Variants in TMEM50B observed in about 807,000 individuals in gnomAD.
TMEM50B encodes the protein HCV p7-trans-regulated protein 3.
TMEM50B carries 14 observed loss-of-function variants against 23.4 expected under a neutral mutation model. The observed-to-expected ratio is 0.60, with a 90% CI of 0.39 to 0.93. TMEM50B has a LOEUF of 0.93. Among genes scored for constraint, TMEM50B ranks in the 40% least tolerant of loss-of-function variants. TMEM50B has a pLI of 0.00. For synonymous variants in TMEM50B, 64 were observed against 62.3 expected, an observed-to-expected ratio of 1.03 and a Z score of -0.13; for missense variants, 159 against 193.0, an observed-to-expected ratio of 0.82 and a Z score of 1.04.
At chr21:33,456,313 C>T (rs1480779084) in intron 5 of TMEM50B, among the ~76,000 whole-genome samples, 1 of 152,148 alleles carries the variant, frequency 6.6e-6, no homozygotes, top group African/African-American at 2.4e-5. Flanking sequence ...ATCCTCCTGC[C>T]TCAGCGTCCC....
intron 1 of TMEM50B, among the ~76,000 whole-genome samples, chr21:33,473,310 G>A (rs1001160261): frequency 6.6e-6 from 1 of 151,806 alleles, no homozygotes; most frequent in Admixed American, 6.6e-5. Flanking sequence ...AAAATTATCT[G>A]GGCATGGTGG....
intron 8 of TMEM50B, chr21:33,436,907 T>A: frequency 6.2e-7 from 1 of 1,613,940 alleles, no homozygotes; most frequent in East Asian, 2.2e-5. Context: ...TGGGACTCTG[T>A]GTCCATTATC....
intron 4 of TMEM50B, 96 bp downstream of exon 4, chr21:33,465,245 AT>A: frequency 1.3e-6 from 1 of 782,472 alleles, no homozygotes. Flanking sequence ...CTATATAATC[AT>A]TACCAGTCTT....
intron 4 of TMEM50B, among the ~76,000 whole-genome samples, chr21:33,462,143 G>A (rs987740399): frequency 2.0e-5 from 3 of 151,958 alleles, no homozygotes; most frequent in African/African-American, 7.3e-5. Context: ...TTATTTAGCT[G>A]TTTCATTTAT....
chr21:33,436,239 C>T (rs2083949393), intron 8 of TMEM50B, among the ~76,000 whole-genome samples: 1 of 150,816 alleles, frequency 6.6e-6, no homozygotes, highest in Non-Finnish European at 1.5e-5. Context: ...CCTGTAATCC[C>T]AGCTACTTGG....
At chr21:33,468,141 G>GTT (rs5843607) in intron 2 of TMEM50B, among the ~76,000 whole-genome samples, 9 of 146,214 alleles carry the variant, frequency 6.2e-5, no homozygotes, top group Non-Finnish European at 1.0e-4. Context: ...ATTTTGGGGT[G>GTT]TTTTTTTTTT....
At chr21:33,435,882 C>CAAAAAAAA (rs35251279) in intron 8 of TMEM50B, among the ~76,000 whole-genome samples, 1 of 48,244 alleles carries the variant, frequency 2.1e-5, no homozygotes, top group African/African-American at 9.8e-5. Flanking sequence ...GACTCCGTCT[C>CAAAAAAAA]AAAAAAAAAA....
At chr21:33,479,038 G>A (rs1329804036) in intron 1 of TMEM50B, 1 of 324,702 alleles carries the variant, frequency 3.1e-6, no homozygotes, top group Non-Finnish European at 6.0e-6. Flanking sequence ...CCCCGACCCA[G>A]GCACGCGCAG....
At chr21:33,468,339 T>C (rs1300723203) in intron 2 of TMEM50B, 2 of 153,418 alleles carry the variant, frequency 1.3e-5, no homozygotes, top group Non-Finnish European at 2.9e-5. Flanking sequence ...GAAACAGAGA[T>C]GGTATTTCTT....
At chr21:33,455,858 T>A in intron 5 of TMEM50B, 74 bp from the exon 6 acceptor site, 1 of 1,011,894 alleles carries the variant, frequency 9.9e-7, no homozygotes, top group Non-Finnish European at 1.6e-6. Flanking sequence ...GTGCCATTCA[T>A]AATGATACAT....
intron 4 of TMEM50B, 122 bp downstream of exon 4, chr21:33,465,220 C>A: frequency 3.2e-6 from 2 of 619,834 alleles, no homozygotes; most frequent in Non-Finnish European, 5.4e-6. Context: ...TGTTTTAAAG[C>A]AAATAAAAAA....
intron 1 of TMEM50B, among the ~76,000 whole-genome samples, chr21:33,471,534 T>C (rs2084315401): frequency 6.6e-6 from 1 of 152,014 alleles, no homozygotes; most frequent in South Asian, 2.1e-4. Flanking sequence ...TCAAAATAAC[T>C]GAACCAATGG....
At chr21:33,455,813 C>G in intron 5 of TMEM50B, 29 bp from the exon 6 acceptor site, 2 of 1,570,216 alleles carry the variant, frequency 1.3e-6, no homozygotes, top group East Asian at 4.5e-5. Context: ...ACAGATTAGA[C>G]GGTTATATAG....
At chr21:33,464,805 A>C (rs2084249885) in intron 4 of TMEM50B, among the ~76,000 whole-genome samples, 1 of 29,776 alleles carries the variant, frequency 3.4e-5, no homozygotes, top group Non-Finnish European at 5.3e-5. Flanking sequence ...ACTCCGTCTC[A>C]AAAAAAAAAA....
chr21:33,454,299 A>AATC (rs1055211511), intron 6 of TMEM50B, among the ~76,000 whole-genome samples: 1 of 151,876 alleles, frequency 6.6e-6, no homozygotes, highest in African/African-American at 2.4e-5. Context: ...ACTATGTATT[A>AATC]ATTATTATTA....
At chr21:33,459,748 T>C (rs541852101) in intron 5 of TMEM50B, among the ~76,000 whole-genome samples, 6 of 151,880 alleles carry the variant, frequency 4.0e-5, no homozygotes, top group East Asian at 3.9e-4. Flanking sequence ...TGGCAATCCA[T>C]AGATTATCAG....
At chr21:33,472,552 G>T (rs1445300400) in intron 1 of TMEM50B, among the ~76,000 whole-genome samples, 1 of 151,746 alleles carries the variant, frequency 6.6e-6, no homozygotes, top group Non-Finnish European at 1.5e-5. Flanking sequence ...AAGAAGAAAA[G>T]ACAGAATAAG....
chr21:33,476,221 C>T (rs1309387345), intron 1 of TMEM50B, among the ~76,000 whole-genome samples: 1 of 151,742 alleles, frequency 6.6e-6, no homozygotes, highest in African/African-American at 2.4e-5. Context: ...CCCGTCTCTA[C>T]TAAGAATACA....
At position 33,440,977 on chromosome 21, in the gene TMEM50B, C is replaced by A. The variant is rs535442273; in HGVS notation, c.*2037-1680G>T. Among the ~76,000 whole-genome samples, 63 of 152,210 alleles carry A rather than the reference C, an allele frequency of 4.1e-4. 2 individuals are homozygous for A. The South Asian group carries it at 0.013, about 31-fold the overall frequency. On this transcript the variant is annotated intron_variant and NMD_transcript_variant, in intron 7 of 8. Transcript: ENST00000420455. ...GGGCACGGCGGCTCACACCTGTAAT[C>A]CCAGCATTTTGGGAGGCTCAGGTGA...
Sources: gnomAD v4.1 joint callset for allele counts (sites outside exome capture counted in the v4.1 genomes callset) on GRCh38, gnomAD v4.1.1 for gene constraint, MANE v1.5 for transcripts, NCBI Gene and HGNC (gene_info 2026-07-23, HGNC 2026-07-21) for gene names.